Variants in MAX observed in about 807,000 individuals in gnomAD.
MAX encodes the protein MYC associated transcriptional regulator X, also known as protein max.
In MAX, 3 loss-of-function variants were observed where a neutral mutation model predicts 22.3. The ratio of observed to expected loss-of-function variants is 0.13; its 90% CI spans 0.06 to 0.35. The LOEUF (loss-of-function observed/expected upper bound fraction) is 0.35, where lower values mean the gene tolerates loss of function less well. Ranked by LOEUF, MAX falls within the 10% of genes least tolerant of loss-of-function variation. The pLI is 1.00. For missense variants in MAX, 119 were observed against 209.4 expected (o/e 0.57, Z 2.66); for synonymous variants, 72 against 77.7 (o/e 0.93, Z 0.39).
At position 65,009,523 on chromosome 14, in the gene MAX, G is replaced by T. The variant is rs1393519837; in HGVS notation, c.172-3239C>A. On this transcript the variant is annotated intron_variant, in intron 3 of 3. Coordinates refer to the MAX transcript ENST00000341653. The surrounding 1 kb of genome is among the most constrained non-coding windows in gnomAD (Gnocchi z 4.2). ...TTCCCACATCAGAGACCTATATTTC[G>T]CTAGCTTCGTACCCATCATTTCTCG... Among the ~76,000 whole-genome samples, 1 of 151,876 alleles carries T rather than the reference G, an allele frequency of 6.6e-6. No individual in the cohort carries two copies.
chr14:65,006,400 C>T (rs1566865754), intron 3 of MAX: 1 of 1,470,788 alleles, frequency 6.8e-7, no homozygotes, highest in East Asian at 2.3e-5. Context: ...AATTATTCCT[C>T]TTGTCATGAG....
chr14:65,053,329 G>A (rs143955803), intron 3 of MAX: 4 of 1,447,698 alleles, frequency 2.8e-6, no homozygotes, highest in South Asian at 1.5e-5. Context: ...CTGCGGGGGG[G>A]CTTCTGGATA....
rs993971759 is a variant in MAX at position 65,014,251 on chromosome 14, A to T, written c.172-7967T>A. ...GGCAGTACTCCTACCTACCCTGCCT[A>T]GCCTTGAATGCTCAATAATCATTTA... On this transcript the variant is annotated intron_variant, in intron 3 of 3. Transcript: ENST00000341653. This position sits in a 1 kb window ranked among gnomAD's most constrained non-coding sequence, Gnocchi z 5.1. Among the ~76,000 whole-genome samples the T allele has an allele frequency of 1.3e-5, 2 of 152,234 alleles. No individual in the cohort carries two copies. The highest frequency in any genetic ancestry group is 2.9e-5 in the Non-Finnish European group (2 of 68,036).
At chr14:65,037,748 ATTTATTTATTTATTTATTTAT>A (rs1566562898) in intron 3 of MAX, among the ~76,000 whole-genome samples, 25 of 75,716 alleles carry the variant, frequency 3.3e-4, no homozygotes, top group African/African-American at 6.5e-4. Context: ...TTTATTATTT[ATTTATTTATTTATTTATTTAT>A]TTATTTATTT....
At chr14:65,043,738 C>T (rs1419518969) in intron 3 of MAX, among the ~76,000 whole-genome samples, 11 of 139,900 alleles carry the variant, frequency 7.9e-5, no homozygotes, top group East Asian at 4.4e-4. Context: ...AGGAGAATGG[C>T]GTGAACCCGG....
In MAX at chr14:65,076,339, T is replaced by C. The variant is rs550353151; in HGVS notation, c.*137A>G. 80 of 1,529,028 alleles carry C rather than the reference T, an allele frequency of 5.2e-5. 1 individual carries two copies. In the South Asian group the frequency reaches 8.4e-4, roughly 16 times the overall value. The allele number at this position is 1,529,028 out of a possible 1,614,324, so 94.7% of individuals were successfully genotyped here. A position where few individuals can be genotyped will look rare whatever the true frequency, so the allele number is the denominator to read the frequency against. On this transcript the variant is annotated 3_prime_UTR_variant, in exon 5 of 5. Transcript: ENST00000358664. The surrounding 1 kb of genome is among the most constrained non-coding windows in gnomAD (Gnocchi z 6.6). ...TTGTCCAAGAGCTTCTACGTAAAAA[T>C]AAAAATTTAAAAAAAAAAGGGAGAA... is the stretch of plus-strand genomic sequence containing the variant.
At chr14:65,096,807 C>T (rs1440843916) in intron 2 of MAX, among the ~76,000 whole-genome samples, 3 of 152,088 alleles carry the variant, frequency 2.0e-5, no homozygotes, top group African/African-American at 7.2e-5. Flanking sequence ...ACAAATGGTA[C>T]GGAAAACCCC....
In MAX at chr14:65,060,941, TGTAA is replaced by T. The variant is rs201343590; in HGVS notation, c.171+32763_171+32766del. Among the ~76,000 whole-genome samples the T allele has an allele frequency of 3.6e-3, 539 of 151,788 alleles. 4 individuals are homozygous for T. Among genetic ancestry groups the T allele is most frequent in the African/African-American group, 0.012 (492 of 41,324 alleles). ...CATACTGTTTTCTCACATAATATGTTGTAAGTATTTGCCTGTATCGTTAAATATT... is the reference window on the plus strand; with the variant it reads ...CATACTGTTTTCTCACATAATATGTTGTATTTGCCTGTATCGTTAAATATT... On this transcript the variant is annotated intron_variant, in intron 3 of 3. Coordinates refer to the MAX transcript ENST00000341653.
intron 3 of MAX, chr14:65,061,484 C>T: frequency 8.4e-7 from 1 of 1,191,160 alleles, no homozygotes; most frequent in Non-Finnish European, 1.1e-6. Flanking sequence ...TTGGAGAACA[C>T]AGTGGCTGGT....
At chr14:65,021,943 G>T (rs542438001) in intron 3 of MAX, 1 of 456,054 alleles carries the variant, frequency 2.2e-6, no homozygotes, top group South Asian at 1.5e-5. Context: ...ACTGCGCCCG[G>T]CCTATAGTAG....
At chr14:65,038,512 G>A (rs1411782497) in intron 3 of MAX, among the ~76,000 whole-genome samples, 1 of 151,874 alleles carries the variant, frequency 6.6e-6, no homozygotes, top group African/African-American at 2.4e-5. Flanking sequence ...GAGGTCAGGA[G>A]TTCGAAACCA....
chr14:65,061,454 C>CA, intron 3 of MAX: 1 of 1,356,008 alleles, frequency 7.4e-7, no homozygotes, highest in Non-Finnish European at 9.7e-7. Context: ...TCTTGTCAAA[C>CA]AAAACCAATG....
intron 3 of MAX, chr14:65,083,981 C>T: frequency 1.4e-6 from 2 of 1,443,182 alleles, no homozygotes; most frequent in Non-Finnish European, 9.1e-7. Context: ...CCCATCAATG[C>T]CAGCAAAGGA....
At chr14:65,015,830 A>G in intron 3 of MAX, 4 of 1,240,548 alleles carry the variant, frequency 3.2e-6, no homozygotes, top group Non-Finnish European at 4.6e-6. Flanking sequence ...TGCCACAAAG[A>G]AATCTTTGCT....
At chr14:65,089,331 T>C (rs7151350) in intron 3 of MAX, among the ~76,000 whole-genome samples, 15,586 of 152,192 alleles carry the variant, frequency 0.1, 1,807 homozygotes, top group African/African-American at 0.28. Context: ...ATTCTGTTTT[T>C]CTTTATTTTC....
rs548710687 is a variant in MAX, at chr14:65,028,611, C to T, written c.172-22327G>A. On this transcript the variant is annotated intron_variant, in intron 3 of 3. Transcript: ENST00000341653. The surrounding 1 kb of genome is among the most constrained non-coding windows in gnomAD (Gnocchi z 4.4). Reference sequence around the variant, plus strand: ...GAAAGTATAGGGGAGGAAAAAACCACGAACATTGTGGAGCATAAAATACAT... The same window carrying T: ...GAAAGTATAGGGGAGGAAAAAACCATGAACATTGTGGAGCATAAAATACAT... Among the ~76,000 whole-genome samples the T allele has an allele frequency of 1.3e-5, 2 of 152,262 alleles. No individual in the cohort carries two copies. The highest frequency in any genetic ancestry group is 4.1e-4 in the South Asian group (2 of 4,820).
chr14:65,065,787 C>T (rs2062925451), intron 3 of MAX, among the ~76,000 whole-genome samples: 1 of 152,232 alleles, frequency 6.6e-6, no homozygotes. Context: ...CTTGCCTCAT[C>T]TGCCCAAACA....
chr14:65,031,348 C>T lies in MAX; in HGVS notation c.172-25064G>A, dbSNP rs2062077723. Among the ~76,000 whole-genome samples the T allele has an allele frequency of 6.6e-6, 1 of 151,398 alleles. No homozygotes were observed. Among genetic ancestry groups the T allele is most frequent in the Admixed American group, 6.6e-5 (1 of 15,226 alleles). On this transcript the variant is annotated intron_variant, in intron 3 of 3. Transcript: ENST00000341653. The surrounding 1 kb of genome is among the most constrained non-coding windows in gnomAD (Gnocchi z 4.6). ...TGTTTTTTTTTTTGAGACAGAGTCT[C>T]ACTCTGTTGCCCAAGCTGGAATGCA...
chr14:65,077,164 T>G lies in MAX; in HGVS notation c.296-501A>C, dbSNP rs1036368759. On this transcript the variant is annotated intron_variant, in intron 4 of 4. Coordinates refer to ENST00000358664, the MANE Select transcript of MAX (RefSeq NM_002382.5). The surrounding 1 kb of genome is among the most constrained non-coding windows in gnomAD (Gnocchi z 6.3). ...CTTGGAAGCAAGTCACCAATACACA[T>G]AAAATACCTGGGCTTTTCAAATAGC... 23 of 619,880 alleles carry G rather than the reference T, an allele frequency of 3.7e-5. No homozygotes were observed. Among genetic ancestry groups the G allele is most frequent in the Non-Finnish European group, 6.5e-5 (23 of 351,378 alleles). 38.4% of individuals were successfully genotyped at this position (619,880 alleles called of 1,614,324 possible).
Sources: gnomAD v4.1 joint callset for allele counts (sites outside exome capture counted in the v4.1 genomes callset) on GRCh38, gnomAD v4.1.1 for gene constraint, Gnocchi (gnomAD v3.1) non-coding constraint, MANE v1.5 for transcripts, NCBI Gene and HGNC (gene_info 2026-07-23, HGNC 2026-07-21) for gene names.